ATG16L1: variants seen among roughly 807,000 people sequenced by gnomAD.
The protein encoded by ATG16L1 is autophagy-related protein 16-1.
In ATG16L1, 37 loss-of-function variants were observed where a neutral mutation model predicts 88.5. The ratio of observed to expected loss-of-function variants is 0.42; its 90% CI spans 0.32 to 0.55. ATG16L1 has a LOEUF of 0.55. Among genes scored for constraint, ATG16L1 ranks in the 20% least tolerant of loss-of-function variants. ATG16L1 has a pLI of 0.13. For synonymous variants in ATG16L1, 301 were observed against 281.0 expected (o/e 1.07, Z -0.71); for missense variants, 554 against 752.8 (o/e 0.74, Z 3.09).
At chr2:233,254,074 C>T (rs1574836279) in intron 1 of ATG16L1, among the ~76,000 whole-genome samples, 1 of 152,314 alleles carries the variant, frequency 6.6e-6, no homozygotes, top group East Asian at 1.9e-4. Context: ...CATATAAGTG[C>T]TTTCAAAGCC....
Position 233,292,392 on chromosome 2 carries a change from C to G in ATG16L1, c.1586C>G (p.Pro529Arg), listed in dbSNP as rs144457166. The change falls in exon 16 of 18, where the codon CCT becomes CGT. Residue 529 changes from proline (P) to arginine (R), a missense_variant. Physicochemically the swap from Pro to Arg is moderately radical, Grantham distance 103. Transcript: ENST00000392017. ...TNAIKQTFSA[P>R]GFKCGSDWTR... is the part of the protein sequence containing the mutation. ...TGCCCTGTTGTTTGTTTCAGTGCAC[C>G]TGGGTTCAAGTGCGGCTCTGACTGG... The G allele has an allele frequency of 7.4e-6, 12 of 1,613,540 alleles. No homozygotes were observed. The highest frequency in any genetic ancestry group is 1.8e-4 in the Middle Eastern group (1 of 5,680).
At chr2:233,266,786 A>G (rs1697626025) in intron 5 of ATG16L1, among the ~76,000 whole-genome samples, 1 of 152,266 alleles carries the variant, frequency 6.6e-6, no homozygotes. Flanking sequence ...ACACAATGGA[A>G]TATTATTCGC....
In ATG16L1 at chr2:233,267,893, G is replaced by A. The variant is rs553068946; in HGVS notation, c.642-2109G>A. Among the ~76,000 whole-genome samples the A allele has an allele frequency of 6.6e-5, 10 of 152,320 alleles. No individual in the cohort carries two copies. The East Asian group carries it at 1.9e-3, about 29-fold the overall frequency. On this transcript the variant is annotated intron_variant, in intron 5 of 17. Coordinates refer to ENST00000392017, the MANE Select transcript of ATG16L1 (RefSeq NM_030803.7). Reference sequence around the variant, plus strand: ...CCCTTTGAAGCATCTTCCTAGGGCTGTGCACTTGGAGGTATCATGTGATTG... The same window carrying A: ...CCCTTTGAAGCATCTTCCTAGGGCTATGCACTTGGAGGTATCATGTGATTG...
intron 4 of ATG16L1, among the ~76,000 whole-genome samples, chr2:233,264,631 C>T (rs1697445863): frequency 6.6e-6 from 1 of 152,102 alleles, no homozygotes; most frequent in Non-Finnish European, 1.5e-5. Flanking sequence ...ATACGGTTTC[C>T]AGCCTCCTTT....
At chr2:233,273,437 T>A (rs1230164464) in intron 7 of ATG16L1, 4 of 516,130 alleles carry the variant, frequency 7.7e-6, no homozygotes, top group East Asian at 3.2e-5. Flanking sequence ...ATTGTGAAGT[T>A]AGTTAGCCAG....
intron 16 of ATG16L1, among the ~76,000 whole-genome samples, chr2:233,292,933 C>T (rs758709553): frequency 3.9e-5 from 6 of 152,222 alleles, no homozygotes; most frequent in East Asian, 1.9e-4. Context: ...TGTAACAAGG[C>T]AGTCCATGGG....
At chr2:233,261,288 TA>T (rs1559380550) in intron 2 of ATG16L1, among the ~76,000 whole-genome samples, 1 of 152,172 alleles carries the variant, frequency 6.6e-6, no homozygotes. Context: ...ATCTGTTCTA[TA>T]GCTAGCCAGC....
Position 233,259,199 on chromosome 2 carries a change from A to G in ATG16L1, c.209+3004A>G, listed in dbSNP as rs115236860. ...TAGGCAGTAGAAAGCAGGGTGGTCT[A>G]AAGTGTGGGAAGAGGTGATTGGTGG... On this transcript the variant is annotated intron_variant, in intron 2 of 17. Coordinates refer to ENST00000392017, the MANE Select transcript of ATG16L1 (RefSeq NM_030803.7). Among the ~76,000 whole-genome samples the G allele has an allele frequency of 8.2e-3, 1,248 of 152,294 alleles. 24 individuals carry two copies. Among genetic ancestry groups the G allele is most frequent in the African/African-American group, 0.029 (1,189 of 41,560 alleles).
chr2:233,290,916 G>GT (rs2125298819), intron 14 of ATG16L1, among the ~76,000 whole-genome samples: 1 of 152,350 alleles, frequency 6.6e-6, no homozygotes, highest in Non-Finnish European at 1.5e-5. Flanking sequence ...CTTGTAAGTC[G>GT]TTGGGTGTTT....
At chr2:233,258,626 T>TTC in intron 2 of ATG16L1, among the ~76,000 whole-genome samples, 1 of 152,358 alleles carries the variant, frequency 6.6e-6, no homozygotes, top group South Asian at 2.1e-4. Flanking sequence ...GATGACTATA[T>TTC]TCTTGTATTC....
At position 233,269,999 on chromosome 2, in the gene ATG16L1, C is replaced by T. The variant is rs1385108713; in HGVS notation, c.642-3C>T. On this transcript the variant is annotated splice_region_variant and splice_polypyrimidine_tract_variant and intron_variant, in intron 5 of 17. Transcript: ENST00000392017. Reference sequence around the variant, plus strand: ...TGGGCTTTTTTTTTTTTTTTCCCAACAGGAGGCGGCAAGCCCGGCTGCAGA... The same window carrying T: ...TGGGCTTTTTTTTTTTTTTTCCCAATAGGAGGCGGCAAGCCCGGCTGCAGA... The T allele has an allele frequency of 2.6e-6, 4 of 1,550,376 alleles. No individual in the cohort carries two copies. The highest frequency in any genetic ancestry group is 3.5e-6 in the Non-Finnish European group (4 of 1,154,546).
At chr2:233,290,214 T>C (rs1329966563) in intron 13 of ATG16L1, 34 bp from the exon 14 acceptor site, 3 of 1,605,606 alleles carry the variant, frequency 1.9e-6, no homozygotes, top group Non-Finnish European at 2.6e-6. Flanking sequence ...CGTTGGTGCC[T>C]CTGCTTGATT....
Position 233,273,089 on chromosome 2 carries a change from T to A in ATG16L1, c.794+37T>A, listed in dbSNP as rs754784177. 6 of 1,536,046 alleles carry A rather than the reference T, an allele frequency of 3.9e-6. No individual in the cohort carries two copies. In the South Asian group the frequency reaches 6.7e-5, roughly 17 times the overall value. On this transcript the variant is annotated intron_variant, in intron 7 of 17. Transcript: ENST00000392017. ...GGTTTGGGCCAGGGAAAAGACAGCT[T>A]GAGGAGCAATATGAAGGCACATCTG...
Position 233,277,351 on chromosome 2 carries a change from A to G in ATG16L1, c.955-217A>G, listed in dbSNP as rs1698442428. 6.6e-6 allele frequency: 3 copies of G among 454,716 alleles called. No homozygotes were observed. The South Asian group carries it at 7.7e-5, about 12-fold the overall frequency. 28.2% of individuals were successfully genotyped at this position (454,716 alleles called of 1,614,324 possible). On this transcript the variant is annotated intron_variant, in intron 9 of 17. Coordinates refer to ENST00000392017, the MANE Select transcript of ATG16L1 (RefSeq NM_030803.7). ...ACACAGATTTTGAGTACTTTTTGAG[A>G]AGGTTGCACTGCACTCTAATGCAAC...
At chr2:233,276,668 G>A (rs1698394651) in intron 9 of ATG16L1, among the ~76,000 whole-genome samples, 1 of 152,126 alleles carries the variant, frequency 6.6e-6, no homozygotes, top group South Asian at 2.1e-4. Flanking sequence ...TAAGAGACGA[G>A]GTTTCGCCAC....
chr2:233,290,461 G>A (rs543618629), intron 14 of ATG16L1, 108 bp downstream of exon 14: 13 of 872,730 alleles, frequency 1.5e-5, no homozygotes, highest in South Asian at 9.9e-5. Flanking sequence ...AATGAGTTTC[G>A]GTACACGTAT....
At chr2:233,270,171 C>A in intron 6 of ATG16L1, 104 bp downstream of exon 6, 1 of 1,075,314 alleles carries the variant, frequency 9.3e-7, no homozygotes, top group Non-Finnish European at 1.3e-6. Context: ...GAGACAGGGT[C>A]TTGCTCTGTT....
Position 233,263,168 on chromosome 2 carries a change from A to G in ATG16L1, c.248A>G (p.Gln83Arg). The stretch of plus-strand genomic sequence containing the variant: ...GGCACATGGAATGACAATCAGCTAC[A>G]AGAAATGGCCCAACTGAGGATTAAG... The part of the protein sequence containing the change: ...HDGTWNDNQL[Q>R]EMAQLRIKHQ... The change falls in exon 3 of 18, where the codon CAA becomes CGA. Residue 83 changes from glutamine (Q) to arginine (R), a missense_variant. This residue lies in a region of ATG16L1 where 101 missense variants were observed against 107.0 expected (regional missense o/e 0.94). Transcript: ENST00000392017. 6.2e-7 allele frequency: 1 copy of G among 1,614,192 alleles called. No individual in the cohort carries two copies. The highest frequency in any genetic ancestry group is 8.5e-7 in the Non-Finnish European group (1 of 1,180,044).
chr2:233,294,297 C>T lies in ATG16L1; in HGVS notation c.1771C>T (p.His591Tyr). The T allele has an allele frequency of 6.2e-7, 1 of 1,612,898 alleles. No individual in the cohort carries two copies. The highest frequency in any genetic ancestry group is 8.5e-7 in the Non-Finnish European group (1 of 1,179,548). Residue 591 changes from histidine to tyrosine, a missense_variant, in exon 18 of 18, where the codon CAC (histidine) becomes TAC (tyrosine). Coordinates refer to ENST00000392017, the MANE Select transcript of ATG16L1 (RefSeq NM_030803.7). Reference sequence around the variant, plus strand: ...GGTGGCGTGGTCGCCCTCTGGCTCGCACGTTGTCAGTGTGGACAAAGGATG... The same window carrying T: ...GGTGGCGTGGTCGCCCTCTGGCTCGTACGTTGTCAGTGTGGACAAAGGATG... ...NAVAWSPSGSHVVSVDKGCKA... is the reference protein window; with the variant it reads ...NAVAWSPSGSYVVSVDKGCKA...
Sources: gnomAD v4.1 joint callset for allele counts (sites outside exome capture counted in the v4.1 genomes callset) on GRCh38, gnomAD v4.1.1 for gene constraint, gnomAD v4.1.1 regional missense constraint, MANE v1.5 for transcripts, NCBI Gene and HGNC (gene_info 2026-07-23, HGNC 2026-07-21) for gene names.